ABCG2: variants seen among roughly 807,000 people sequenced by gnomAD.
The protein encoded by ABCG2 is broad substrate specificity ATP-binding cassette transporter ABCG2.
In ABCG2, 80 loss-of-function variants were observed where a neutral mutation model predicts 73.5. That is an observed-to-expected ratio of 1.09 (90% CI 0.91 to 1.31). ABCG2 has a LOEUF of 1.31. Among genes scored for constraint, ABCG2 ranks in the 50% most tolerant of loss-of-function variants. The probability of loss-of-function intolerance (pLI) is 0.00; values close to 1 mark genes in which losing one functional copy is unlikely to be tolerated. For missense variants in ABCG2, 796 were observed against 786.2 expected (o/e 1.01, Z -0.15); for synonymous variants, 269 against 282.4 (o/e 0.95, Z 0.48).
At chr4:88,135,035 G>C (rs72875335) in intron 2 of ABCG2, among the ~76,000 whole-genome samples, 2 of 152,072 alleles carry the variant, frequency 1.3e-5, no homozygotes, top group Admixed American at 6.5e-5. Flanking sequence ...ATTACCTAGG[G>C]CTGCTTTCAT....
In ABCG2 at chr4:88,153,884, T is replaced by C. The variant is rs151331471; in HGVS notation, c.-20+4502A>G. On this transcript the variant is annotated intron_variant, in intron 1 of 15. Coordinates refer to ENST00000237612, the MANE Select transcript of ABCG2 (RefSeq NM_004827.3). The stretch of plus-strand genomic sequence containing the variant: ...GGCATGAGAAATTCCTGAGGAGTAG[T>C]AGAATAGCAGATGGAACACTGAGAA... Among the ~76,000 whole-genome samples, 1,381 of 151,998 alleles carry C rather than the reference T, an allele frequency of 9.1e-3. 23 individuals are homozygous for C. Among genetic ancestry groups the C allele is most frequent in the African/African-American group, 0.03 (1,261 of 41,466 alleles).
intron 1 of ABCG2, among the ~76,000 whole-genome samples, chr4:88,210,136 T>C (rs749195841): frequency 8.5e-5 from 13 of 152,076 alleles, no homozygotes; most frequent in Non-Finnish European, 1.6e-4. Context: ...AATGTTTTGA[T>C]TGAATTAGAT....
intron 11 of ABCG2, 151 bp downstream of exon 11, chr4:88,101,079 T>C (rs1578173399): frequency 1.6e-6 from 1 of 607,202 alleles, no homozygotes; most frequent in Non-Finnish European, 2.9e-6. Flanking sequence ...GATCAATATA[T>C]ACAATTTTTA....
chr4:88,101,968 C>A (rs1181426739), intron 10 of ABCG2, among the ~76,000 whole-genome samples: 1 of 152,192 alleles, frequency 6.6e-6, no homozygotes, highest in African/African-American at 2.4e-5. Context: ...AAGTGGTAAG[C>A]TAAATAAAGT....
Position 88,114,952 on chromosome 4 carries a change from T to A in ABCG2, c.943+5A>T, listed in dbSNP as rs1480329733. 8.1e-6 allele frequency: 13 copies of A among 1,596,112 alleles called. No homozygotes were observed. The highest frequency in any genetic ancestry group is 1.1e-5 in the Non-Finnish European group (13 of 1,165,508). ...AAAATCTGGGACTGTAACAGATTCATATACCTTTAAAGTCTTCTTCTCTGT... is the reference window on the plus strand; with the variant it reads ...AAAATCTGGGACTGTAACAGATTCAAATACCTTTAAAGTCTTCTTCTCTGT... On this transcript the variant is annotated splice_donor_5th_base_variant and intron_variant, in intron 8 of 15. Coordinates refer to ENST00000237612, the MANE Select transcript of ABCG2 (RefSeq NM_004827.3).
rs551598047 is a variant in ABCG2, at chr4:88,126,490, G to A, written c.531+4571C>T. 3.3e-5 allele frequency among the ~76,000 whole-genome samples: 5 copies of A among 152,184 alleles called. No homozygotes were observed. The South Asian group carries it at 1.0e-3, about 32-fold the overall frequency. On this transcript the variant is annotated intron_variant, in intron 5 of 15. Transcript: ENST00000237612. ...ACACAACAAAAAAAGAAAATTTCAG[G>A]CCAATATCCCTGATCAACATCAATG... is the stretch of plus-strand genomic sequence containing the variant.
At chr4:88,137,729 A>G (rs1361425060) in intron 2 of ABCG2, among the ~76,000 whole-genome samples, 1 of 152,242 alleles carries the variant, frequency 6.6e-6, no homozygotes, top group African/African-American at 2.4e-5. Flanking sequence ...CCATGTGGAC[A>G]GCCTGCACTC....
chr4:88,217,653 C>A (rs1236183144), intron 1 of ABCG2, among the ~76,000 whole-genome samples: 1 of 139,342 alleles, frequency 7.2e-6, no homozygotes, highest in Non-Finnish European at 1.6e-5. Flanking sequence ...CAGAATGAGA[C>A]CCTGCCTCAA....
chr4:88,223,442 A>G (rs1050831954), intron 1 of ABCG2, among the ~76,000 whole-genome samples: 1 of 152,122 alleles, frequency 6.6e-6, no homozygotes, highest in African/African-American at 2.4e-5. Context: ...GTGAGTTCTC[A>G]TGAGATCTGA....
rs769535199 is a variant in ABCG2 at position 88,121,644 on chromosome 4, A to T, written c.680T>A (p.Leu227His). ...DSSTANAVLL[L>H]LKRMSKQGRT... Reference sequence around the variant, plus strand: ...TTTCCAGAGCATTTACCTTTTCAGGAGCAAAAGGACAGCATTTGCTGTGCT... The same window carrying T: ...TTTCCAGAGCATTTACCTTTTCAGGTGCAAAAGGACAGCATTTGCTGTGCT... The change falls in exon 6 of 16, where the codon CTC (leucine) becomes CAC (histidine). Residue 227 changes from leucine to histidine, a missense_variant. By Grantham distance (99) the Leu-to-His change is moderately conservative (BLOSUM62 -3). Transcript: ENST00000237612. 1.9e-6 allele frequency: 3 copies of T among 1,613,516 alleles called. No homozygotes were observed. Among genetic ancestry groups the T allele is most frequent in the African/African-American group, 1.3e-5 (1 of 75,016 alleles).
Position 88,125,600 on chromosome 4 carries a change from T to A in ABCG2, c.532-3808A>T, listed in dbSNP as rs189592057. The stretch of plus-strand genomic sequence containing the variant: ...TCCAGCCTGGGCAACAGAGCAAGAC[T>A]CTGTCTCAAAAAAAAAAAAAAAAAA... On this transcript the variant is annotated intron_variant, in intron 5 of 15. Coordinates refer to ENST00000237612, the MANE Select transcript of ABCG2 (RefSeq NM_004827.3). 1.7e-3 allele frequency among the ~76,000 whole-genome samples: 115 copies of A among 69,150 alleles called. 1 individual carries two copies. The highest frequency in any genetic ancestry group is 6.6e-3 in the African/African-American group (110 of 16,780). 45.4% of individuals were successfully genotyped at this position (69,150 alleles called of 152,430 possible).
At chr4:88,102,616 A>G (rs1722506220) in intron 10 of ABCG2, among the ~76,000 whole-genome samples, 1 of 151,748 alleles carries the variant, frequency 6.6e-6, no homozygotes, top group Admixed American at 6.6e-5. Flanking sequence ...AAATTAAAAA[A>G]TAAATAAATA....
At chr4:88,209,324 A>C (rs1224408927) in intron 1 of ABCG2, among the ~76,000 whole-genome samples, 2 of 151,462 alleles carry the variant, frequency 1.3e-5, no homozygotes, top group Admixed American at 6.6e-5. Flanking sequence ...AAAAAAAAAA[A>C]AACAAAAAAG....
chr4:88,117,957 T>C lies in ABCG2; in HGVS notation c.841+152A>G, dbSNP rs1028146319. ...CTGGTGCTACAAAAATGAAGAAAAA[T>C]ACTAGCACCAAATGGAACAAACACA... On this transcript the variant is annotated intron_variant, in intron 7 of 15. Coordinates refer to ENST00000237612, the MANE Select transcript of ABCG2 (RefSeq NM_004827.3). 1.3e-5 allele frequency: 9 copies of C among 708,128 alleles called. No homozygotes were observed. In the South Asian group the frequency reaches 2.2e-4, roughly 17 times the overall value. 43.9% of individuals were successfully genotyped at this position (708,128 alleles called of 1,614,324 possible). A position where few individuals can be genotyped will look rare whatever the true frequency, so the allele number is the denominator to read the frequency against.
At chr4:88,177,531 C>G (rs1728053946) in intron 1 of ABCG2, among the ~76,000 whole-genome samples, 1 of 152,014 alleles carries the variant, frequency 6.6e-6, no homozygotes, top group Non-Finnish European at 1.5e-5. Flanking sequence ...TGAATTGGAG[C>G]CTCCATCAAT....
At chr4:88,174,947 G>C (rs1430975606) in intron 1 of ABCG2, among the ~76,000 whole-genome samples, 1 of 152,124 alleles carries the variant, frequency 6.6e-6, no homozygotes, top group East Asian at 1.9e-4. Flanking sequence ...TTCTGCATAT[G>C]GCTAGCCAGT....
intron 6 of ABCG2, among the ~76,000 whole-genome samples, chr4:88,120,268 C>T (rs1723877715): frequency 6.6e-6 from 1 of 152,216 alleles, no homozygotes; most frequent in South Asian, 2.1e-4. Context: ...TGCTAGGGCA[C>T]TGCAGATGGG....
intron 1 of ABCG2, among the ~76,000 whole-genome samples, chr4:88,200,586 C>T (rs930614962): frequency 1.3e-5 from 2 of 152,152 alleles, no homozygotes; most frequent in African/African-American, 4.8e-5. Flanking sequence ...GATCTTGGCT[C>T]ACTGCAAGGT....
At chr4:88,147,273 C>T (rs1305420636) in intron 1 of ABCG2, among the ~76,000 whole-genome samples, 1 of 152,070 alleles carries the variant, frequency 6.6e-6, no homozygotes, top group Non-Finnish European at 1.5e-5. Context: ...TCAGCTTGGG[C>T]AACATGACAA....
Sources: allele counts gnomAD v4.1 joint callset (sites outside exome capture counted in the v4.1 genomes callset), GRCh38; gene constraint gnomAD v4.1.1; transcripts MANE v1.5; gene names NCBI Gene and HGNC (gene_info 2026-07-23, HGNC 2026-07-21).